The following SSBP3 variants were observed in gnomAD, a reference collection of about 807,000 sequenced individuals.
SSBP3 encodes single-stranded DNA-binding protein 3.
Under a neutral mutation model 69.6 loss-of-function variants are expected in SSBP3, and 5 were observed. The observed-to-expected ratio is 0.07, with a 90% confidence interval of 0.04 to 0.15. The LOEUF is 0.15. Among genes scored for constraint, SSBP3 ranks in the 10% least tolerant of loss-of-function variants. The probability of loss-of-function intolerance (pLI) is 1.00; values close to 1 mark genes in which losing one functional copy is unlikely to be tolerated. For synonymous variants in SSBP3, 196 were observed against 193.4 expected, an observed-to-expected ratio of 1.01 and a Z score of -0.11; for missense variants, 312 against 534.0, an observed-to-expected ratio of 0.58 and a Z score of 4.10.
At chr1:54,394,982 C>A (rs1467220374) in intron 4 of SSBP3, among the ~76,000 whole-genome samples, 1 of 151,518 alleles carries the variant, frequency 6.6e-6, no homozygotes, top group Admixed American at 6.6e-5. Context: ...GGATTACAGG[C>A]GTGAGCCACC....
At chr1:54,242,466 A>G (rs1479727127) in intron 10 of SSBP3, among the ~76,000 whole-genome samples, 1 of 152,234 alleles carries the variant, frequency 6.6e-6, no homozygotes, top group African/African-American at 2.4e-5. Flanking sequence ...TTCCCTTTGC[A>G]TGTGCATTTT....
intron 5 of SSBP3, among the ~76,000 whole-genome samples, chr1:54,271,047 C>T (rs537506598): frequency 2.6e-5 from 4 of 152,314 alleles, no homozygotes; most frequent in South Asian, 2.1e-4. Context: ...CTGGTCAACA[C>T]GGATCCTGAA....
At chr1:54,245,643 A>G (rs936748877) in intron 9 of SSBP3, among the ~76,000 whole-genome samples, 4 of 152,286 alleles carry the variant, frequency 2.6e-5, no homozygotes, top group African/African-American at 7.2e-5. Flanking sequence ...GCTGACAAAG[A>G]GCCAGACCCG....
intron 4 of SSBP3, among the ~76,000 whole-genome samples, chr1:54,396,316 T>G (rs567914176): frequency 2.7e-5 from 4 of 150,888 alleles, no homozygotes; most frequent in Non-Finnish European, 5.9e-5. Context: ...TTTATGTGAA[T>G]AGTCTAATGC....
At chr1:54,236,053 A>G (rs541334152) in intron 14 of SSBP3, among the ~76,000 whole-genome samples, 29 of 152,326 alleles carry the variant, frequency 1.9e-4, no homozygotes, top group South Asian at 1.2e-3. Flanking sequence ...GGGCTCCTTA[A>G]GGAGCATCAG....
chr1:54,403,918 TAG>T (rs1182125889), intron 3 of SSBP3, among the ~76,000 whole-genome samples: 1 of 149,832 alleles, frequency 6.7e-6, no homozygotes, highest in Non-Finnish European at 1.5e-5. Flanking sequence ...GAGGCCTGGT[TAG>T]AGAGTCACAG....
intron 4 of SSBP3, among the ~76,000 whole-genome samples, chr1:54,374,050 T>G (rs561487586): frequency 7.9e-5 from 12 of 152,192 alleles, no homozygotes; most frequent in African/African-American, 2.6e-4. Context: ...AAGGACATCA[T>G]GGGAAGAGGT....
At chr1:54,247,658 C>T (rs756081084) in intron 9 of SSBP3, among the ~76,000 whole-genome samples, 4 of 152,156 alleles carry the variant, frequency 2.6e-5, no homozygotes, top group Non-Finnish European at 4.4e-5. Context: ...TGATTCTACT[C>T]TGTCCTGGCT....
rs143710317 is a variant in SSBP3, at chr1:54,248,040, A to G, written c.651+3576T>C. Among the ~76,000 whole-genome samples the G allele has an allele frequency of 4.0e-3, 603 of 152,336 alleles. 4 individuals are homozygous for G. Among genetic ancestry groups the G allele is most frequent in the Non-Finnish European group, 5.7e-3 (391 of 68,024 alleles). On this transcript the variant is annotated intron_variant, in intron 9 of 17. Transcript: ENST00000610401. ...AGACATTTAGGCTGACATGTGACAC[A>G]GACTCACAAAATGCAATGTCACTCC...
intron 4 of SSBP3, among the ~76,000 whole-genome samples, chr1:54,297,096 C>T (rs544743459): frequency 5.9e-5 from 9 of 152,334 alleles, no homozygotes; most frequent in African/African-American, 2.2e-4. Context: ...TTCTTCCTGG[C>T]TGGATCCAGA....
intron 4 of SSBP3, among the ~76,000 whole-genome samples, chr1:54,306,149 C>T (rs1321702717): frequency 6.6e-6 from 1 of 152,032 alleles, no homozygotes; most frequent in African/African-American, 2.4e-5. Flanking sequence ...CTGTAAGCAC[C>T]CCTACTATCC....
chr1:54,409,753 T>A (rs906439189), upstream of SSBP3, among the ~76,000 whole-genome samples: 1 of 152,132 alleles, frequency 6.6e-6, no homozygotes. Context: ...CTCCCTCCCT[T>A]CCTTTTTTTC....
upstream of SSBP3, among the ~76,000 whole-genome samples, chr1:54,406,882 C>T (rs553790221): frequency 2.0e-5 from 3 of 147,014 alleles, no homozygotes; most frequent in South Asian, 4.5e-4. Flanking sequence ...CAGCCCTTAT[C>T]TCGCCCTCCG....
intron 4 of SSBP3, among the ~76,000 whole-genome samples, chr1:54,293,694 T>A (rs993117418): frequency 1.3e-5 from 2 of 152,248 alleles, no homozygotes; most frequent in Admixed American, 1.3e-4. Flanking sequence ...TTTATGTGTT[T>A]CTCAGCACAG....
intron 7 of SSBP3, among the ~76,000 whole-genome samples, chr1:54,253,290 C>T (rs1476302955): frequency 2.7e-5 from 4 of 147,274 alleles, no homozygotes; most frequent in East Asian, 2.1e-4. Flanking sequence ...CTCCCAGGTT[C>T]AAGCAATCCT....
chr1:54,304,098 G>A (rs926981274), intron 4 of SSBP3, among the ~76,000 whole-genome samples: 2 of 152,132 alleles, frequency 1.3e-5, no homozygotes, highest in Admixed American at 1.3e-4. Context: ...CCAAGATGTG[G>A]CAAAGGGGGT....
At chr1:54,237,768 C>T (rs1644524574) in intron 14 of SSBP3, 1 of 197,104 alleles carries the variant, frequency 5.1e-6, no homozygotes, top group Non-Finnish European at 1.1e-5. Context: ...ACCGTCTAGA[C>T]AAAAAGCCCA....
At chr1:54,238,952 C>CGCCCATGA (rs1644554545) in intron 14 of SSBP3, 177 bp downstream of exon 14, 1 of 449,054 alleles carries the variant, frequency 2.2e-6, no homozygotes, top group East Asian at 5.7e-5. Flanking sequence ...CACCCCCTGC[C>CGCCCATGA]GCCCATGAAA....
At chr1:54,337,298 C>A (rs1646524083) in intron 4 of SSBP3, among the ~76,000 whole-genome samples, 1 of 152,084 alleles carries the variant, frequency 6.6e-6, no homozygotes, top group African/African-American at 2.4e-5. Flanking sequence ...ATGAGCCAGG[C>A]CAGGACCTGG....
Sources: allele counts gnomAD v4.1 joint callset (sites outside exome capture counted in the v4.1 genomes callset), GRCh38; gene constraint gnomAD v4.1.1; transcripts MANE v1.5; gene names NCBI Gene and HGNC (gene_info 2026-07-23, HGNC 2026-07-21).